DNAH6: variants seen among roughly 807,000 people sequenced by gnomAD.
DNAH6 encodes dynein axonemal heavy chain 6.
In DNAH6, 340 loss-of-function variants were observed where a neutral mutation model predicts 491.4. The ratio of observed to expected loss-of-function variants is 0.69; its 90% CI spans 0.63 to 0.76. The LOEUF (loss-of-function observed/expected upper bound fraction) is 0.76, where lower values mean the gene tolerates loss of function less well. DNAH6 is among the 30% of genes least tolerant of loss of function. The pLI is 0.00. For missense variants in DNAH6, 4,443 were observed against 4,972.2 expected (o/e 0.89, Z 3.20); for synonymous variants, 1,603 against 1,686.1 (o/e 0.95, Z 1.21).
chr2:84,594,480 C>A (rs868170423), intron 17 of DNAH6, among the ~76,000 whole-genome samples: 1 of 152,154 alleles, frequency 6.6e-6, no homozygotes, highest in Non-Finnish European at 1.5e-5. Context: ...ATTTTGTTCA[C>A]TGTAATAGGA....
Position 84,707,553 on chromosome 2 carries a change from T to C in DNAH6, c.8885T>C (p.Val2962Ala). 1 of 1,551,876 alleles carries C rather than the reference T, an allele frequency of 6.4e-7. No individual in the cohort carries two copies. The highest frequency in any genetic ancestry group is 1.4e-5 in the African/African-American group (1 of 73,184). ...ATGGCCCTGACAAAAGCACGTCTAG[T>C]ACGTGCTGGAAAGCTGACAGCAGCA... ...KTMALTKARL[V>A]RAGKLTAALE... The change falls in exon 54 of 77, where the codon GTA becomes GCA. Residue 2962 changes from valine (V) to alanine (A), a missense_variant. Physicochemically the swap from Val to Ala is moderately conservative, Grantham distance 64. Around this residue, in one of 3 missense-constraint regions of DNAH6, gnomAD observed 1,463 missense variants for 1,656.6 expected, o/e 0.88. Transcript: ENST00000389394.
At chr2:84,588,803 CA>C in intron 15 of DNAH6, 22 bp from the exon 16 acceptor site, 1 of 1,503,716 alleles carries the variant, frequency 6.7e-7, no homozygotes, top group African/African-American at 1.4e-5. Context: ...AATGGCTAAC[CA>C]AAAACTGTCT....
At position 84,818,309 on chromosome 2, in the gene DNAH6, C is replaced by G. The variant is rs150546241; in HGVS notation, c.12374-996C>G. ...AAACCTGCCAGCCTGGGCAAGATGA[C>G]GAGACCCCGTCTCTACAAAAAATAC... On this transcript the variant is annotated intron_variant, in intron 76 of 76. Coordinates refer to ENST00000389394, the MANE Select transcript of DNAH6 (RefSeq NM_001370.2). Among the ~76,000 whole-genome samples, 520 of 151,494 alleles carry G rather than the reference C, an allele frequency of 3.4e-3. 4 individuals carry two copies. Among genetic ancestry groups the G allele is most frequent in the African/African-American group, 0.012 (501 of 41,342 alleles).
In DNAH6 at chr2:84,611,818, C is replaced by T. The variant is rs1248783181; in HGVS notation, c.3439C>T (p.Arg1147Trp). 8 of 1,550,998 alleles carry T rather than the reference C, an allele frequency of 5.2e-6. No individual in the cohort carries two copies. Among genetic ancestry groups the T allele is most frequent in the Non-Finnish European group, 7.0e-6 (8 of 1,146,576 alleles). The change falls in exon 22 of 77, where the codon CGG becomes TGG. Residue 1147 changes from arginine to tryptophan, a missense_variant. Physicochemically the swap from Arg to Trp is moderately radical, Grantham distance 101. Coordinates refer to ENST00000389394, the MANE Select transcript of DNAH6 (RefSeq NM_001370.2). Reference sequence around the variant, plus strand: ...GAAAGAAATCATGAGAAAGGTGAATCGGCTGCCTAATGCTCTTCGAGCCGC... The same window carrying T: ...GAAAGAAATCATGAGAAAGGTGAATTGGCTGCCTAATGCTCTTCGAGCCGC... ...SWKEIMRKVN[R>W]LPNALRAATQ...
chr2:84,463,780 T>A, the DNAH6 span, among the ~76,000 whole-genome samples: 2 of 152,248 alleles, frequency 1.3e-5, no homozygotes, highest in East Asian at 3.8e-4. Flanking sequence ...TTCAATCTGT[T>A]GGAGCAAAGT....
intron 35 of DNAH6, among the ~76,000 whole-genome samples, chr2:84,657,855 GAA>G (rs1691126144): frequency 6.6e-6 from 1 of 151,982 alleles, no homozygotes; most frequent in African/African-American, 2.4e-5. Context: ...GGACAAAGTT[GAA>G]TAAGAGTAGT....
At chr2:84,516,229 A>C (rs1308755120), upstream of DNAH6, among the ~76,000 whole-genome samples, 1 of 152,226 alleles carries the variant, frequency 6.6e-6, no homozygotes, top group Admixed American at 6.5e-5. Context: ...TAAGCAACGA[A>C]GCAAACAGAA....
At chr2:84,511,827 A>AT (rs1307258893), upstream of DNAH6, among the ~76,000 whole-genome samples, 1 of 151,382 alleles carries the variant, frequency 6.6e-6, no homozygotes, top group African/African-American at 2.5e-5. Flanking sequence ...TACATTTATG[A>AT]TTTTTTTATG....
intron 2 of DNAH6, among the ~76,000 whole-genome samples, chr2:84,525,156 C>T (rs1641653577): frequency 6.6e-6 from 1 of 151,772 alleles, no homozygotes; most frequent in African/African-American, 2.4e-5. Context: ...TTTTTTAGAT[C>T]TTCAATAAGT....
chr2:84,763,081 G>A, intron 64 of DNAH6, 136 bp downstream of exon 64: 1 of 667,906 alleles, frequency 1.5e-6, no homozygotes, highest in Non-Finnish European at 2.6e-6. Context: ...TTTAAGATAT[G>A]TTAATAGTTA....
intron 46 of DNAH6, among the ~76,000 whole-genome samples, chr2:84,697,167 C>T (rs967974292): frequency 6.6e-6 from 1 of 152,098 alleles, no homozygotes; most frequent in African/African-American, 2.4e-5. Context: ...TAAAATTGTT[C>T]TTATAATGTA....
At chr2:84,609,778 A>G (rs1030149846) in intron 21 of DNAH6, among the ~76,000 whole-genome samples, 1 of 152,170 alleles carries the variant, frequency 6.6e-6, no homozygotes, top group African/African-American at 2.4e-5. Flanking sequence ...AAGTGAGCAC[A>G]TGCTGTTGGA....
the DNAH6 span, among the ~76,000 whole-genome samples, chr2:84,498,229 G>A: frequency 1.3e-5 from 2 of 152,160 alleles, no homozygotes; most frequent in African/African-American, 4.8e-5. Flanking sequence ...AAGGGACCAA[G>A]GAGTCTCATG....
At chr2:84,745,523 G>A (rs188342960) in intron 63 of DNAH6, among the ~76,000 whole-genome samples, 6 of 152,208 alleles carry the variant, frequency 3.9e-5, no homozygotes, top group Non-Finnish European at 5.9e-5. Context: ...ATAATTATCC[G>A]GGCATGGTGG....
chr2:84,626,964 C>A (rs1201243999), intron 29 of DNAH6, among the ~76,000 whole-genome samples: 4 of 152,140 alleles, frequency 2.6e-5, no homozygotes, highest in African/African-American at 4.8e-5. Flanking sequence ...ATTTATTAAA[C>A]TACATATTAT....
chr2:84,619,694 C>T lies in DNAH6; in HGVS notation c.3582C>T (p.Phe1194=). The T allele has an allele frequency of 6.4e-7, 1 of 1,551,276 alleles. No individual in the cohort carries two copies. Among genetic ancestry groups the T allele is most frequent in the South Asian group, 1.2e-5 (1 of 84,050 alleles). ...SKRVIFPRFY[F]LSNDELLEIL... is the part of the protein sequence containing the mutation. ...ATGTTCTTTAATCCAGGTTTTACTTCTTGTCAAATGATGAACTTCTGGAGA... is the reference window on the plus strand; with the variant it reads ...ATGTTCTTTAATCCAGGTTTTACTTTTTGTCAAATGATGAACTTCTGGAGA... Residue 1194 remains phenylalanine (F), a synonymous_variant, in exon 24 of 77, where the codon TTC becomes TTT. Coordinates refer to ENST00000389394, the MANE Select transcript of DNAH6 (RefSeq NM_001370.2).
chr2:84,583,884 C>T, intron 14 of DNAH6, 115 bp from the exon 15 acceptor site: 1 of 1,074,890 alleles, frequency 9.3e-7, no homozygotes. Context: ...TTAGCAGCAG[C>T]AGAACAGACT....
At chr2:84,804,447 C>G (rs901938769) in intron 70 of DNAH6, among the ~76,000 whole-genome samples, 1 of 151,834 alleles carries the variant, frequency 6.6e-6, no homozygotes, top group African/African-American at 2.4e-5. Flanking sequence ...AAACTTTATG[C>G]ACATATATAC....
intron 30 of DNAH6, among the ~76,000 whole-genome samples, chr2:84,635,383 C>T (rs1688785104): frequency 6.6e-6 from 1 of 152,006 alleles, no homozygotes; most frequent in Non-Finnish European, 1.5e-5. Flanking sequence ...GAAAAGAATT[C>T]AAAGTTAAAA....
Sources: allele counts gnomAD v4.1 joint callset (sites outside exome capture counted in the v4.1 genomes callset), GRCh38; gene constraint gnomAD v4.1.1; regional missense constraint gnomAD v4.1.1; transcripts MANE v1.5; gene names NCBI Gene and HGNC (gene_info 2026-07-23, HGNC 2026-07-21).